The following FAT4 variants were observed in gnomAD, a reference collection of about 807,000 sequenced individuals.
FAT4 encodes FAT atypical cadherin 4, also known as protocadherin Fat 4.
A neutral mutation model predicts 303.9 loss-of-function variants in FAT4; 84 were observed. The observed-to-expected ratio is 0.28, with a 90% CI of 0.23 to 0.33. The LOEUF is 0.33. Among genes scored for constraint, FAT4 ranks in the 10% least tolerant of loss-of-function variants. FAT4 has a pLI of 1.00. For missense variants in FAT4, 6,005 were observed against 6,146.8 expected, an observed-to-expected ratio of 0.98 and a Z score of 0.77; for synonymous variants, 2,307 against 2,298.8, an observed-to-expected ratio of 1.00 and a Z score of -0.10.
At chr4:125,336,031 A>G (rs1010446603) in intron 2 of FAT4, among the ~76,000 whole-genome samples, 1 of 152,110 alleles carries the variant, frequency 6.6e-6, no homozygotes, top group Non-Finnish European at 1.5e-5. Flanking sequence ...ACTCCTGGTC[A>G]TGTAAATAGC....
chr4:125,485,648 T>C (rs541587682), intron 16 of FAT4, among the ~76,000 whole-genome samples: 1 of 152,312 alleles, frequency 6.6e-6, no homozygotes, highest in East Asian at 1.9e-4. Flanking sequence ...GGTTTACAGC[T>C]ATTTTTTATA....
At chr4:125,427,667 G>A (rs1725129300) in intron 7 of FAT4, among the ~76,000 whole-genome samples, 1 of 152,022 alleles carries the variant, frequency 6.6e-6, no homozygotes, top group African/African-American at 2.4e-5. Context: ...CTTACTTACT[G>A]TGAGAAAAAT....
chr4:125,345,374 G>A (rs1174498649), intron 2 of FAT4, among the ~76,000 whole-genome samples: 1 of 151,658 alleles, frequency 6.6e-6, no homozygotes, highest in Non-Finnish European at 1.5e-5. Flanking sequence ...ACACTAGTGA[G>A]CTTCAGGTTT....
At chr4:125,360,898 A>T (rs540393678) in intron 2 of FAT4, among the ~76,000 whole-genome samples, 37 of 144,504 alleles carry the variant, frequency 2.6e-4, no homozygotes, top group Middle Eastern at 3.7e-3. Context: ...TATTTATTAA[A>T]TTTTTTATTT....
chr4:125,341,670 C>G (rs1731801288), intron 2 of FAT4, among the ~76,000 whole-genome samples: 1 of 151,710 alleles, frequency 6.6e-6, no homozygotes, highest in Non-Finnish European at 1.5e-5. Flanking sequence ...ATATTTTTAC[C>G]TGCACCAATC....
intron 2 of FAT4, among the ~76,000 whole-genome samples, chr4:125,377,753 C>T (rs1733388298): frequency 6.6e-6 from 1 of 151,950 alleles, no homozygotes; most frequent in Non-Finnish European, 1.5e-5. Context: ...AAAACCTTGG[C>T]AAACTCTCAC....
Position 125,481,654 on chromosome 4 carries a change from C to T in FAT4, c.12738C>T (p.Asn4246=). Residue 4246 remains asparagine, a synonymous_variant, in exon 16 of 18, where the codon AAC becomes AAT. Transcript: ENST00000394329. ...CCATGTTGGAGCCTTTTGGTGTGAACAGTCTGGAAGTAAAATTTAGGACCA... is the reference window on the plus strand; with the variant it reads ...CCATGTTGGAGCCTTTTGGTGTGAATAGTCTGGAAGTAAAATTTAGGACCA... ...RGAMLEPFGV[N]SLEVKFRTRS... 1 of 1,614,046 alleles carries T rather than the reference C, an allele frequency of 6.2e-7. No homozygotes were observed. Among genetic ancestry groups the T allele is most frequent in the Non-Finnish European group, 8.5e-7 (1 of 1,179,952 alleles).
chr4:125,358,322 T>G (rs750929044), intron 2 of FAT4, among the ~76,000 whole-genome samples: 1 of 152,088 alleles, frequency 6.6e-6, no homozygotes, highest in African/African-American at 2.4e-5. Context: ...TTCAGGATGA[T>G]TCAAGTGCAT....
At chr4:125,381,586 G>A (rs1733545036) in intron 2 of FAT4, among the ~76,000 whole-genome samples, 2 of 152,188 alleles carry the variant, frequency 1.3e-5, no homozygotes, top group Non-Finnish European at 2.9e-5. Context: ...CCTTCAGCAA[G>A]TTGTCCTCTT....
intron 2 of FAT4, among the ~76,000 whole-genome samples, chr4:125,324,223 G>A (rs1731063843): frequency 6.6e-6 from 1 of 152,028 alleles, no homozygotes; most frequent in Admixed American, 6.6e-5. Context: ...TAAAGTTTGT[G>A]GCATTTTTCT....
intron 2 of FAT4, among the ~76,000 whole-genome samples, chr4:125,371,063 G>A (rs1450397719): frequency 4.7e-5 from 7 of 149,716 alleles, no homozygotes; most frequent in African/African-American, 1.5e-4. Flanking sequence ...CAGGCAAATC[G>A]CTTAAATCTG....
At chr4:125,348,775 C>G (rs2125975791) in intron 2 of FAT4, among the ~76,000 whole-genome samples, 1 of 151,546 alleles carries the variant, frequency 6.6e-6, no homozygotes, top group South Asian at 2.1e-4. Context: ...ACATCTTTTT[C>G]CTAAAAGGGT....
At chr4:125,393,654 G>C (rs1734056624) in intron 2 of FAT4, among the ~76,000 whole-genome samples, 1 of 152,208 alleles carries the variant, frequency 6.6e-6, no homozygotes, top group African/African-American at 2.4e-5. Flanking sequence ...ATATTTTTTA[G>C]TTTTAAAATA....
chr4:125,407,179 C>A, intron 4 of FAT4, 38 bp downstream of exon 4: 1 of 1,561,942 alleles, frequency 6.4e-7, no homozygotes, highest in South Asian at 1.2e-5. Context: ...TTGCAAGAAT[C>A]GCTTTTGAAC....
chr4:125,407,692 A>T (rs563989185), intron 4 of FAT4, among the ~76,000 whole-genome samples: 1 of 152,132 alleles, frequency 6.6e-6, no homozygotes, highest in Non-Finnish European at 1.5e-5. Flanking sequence ...ATTAAGTGTT[A>T]TAAGAAACTG....
intron 7 of FAT4, among the ~76,000 whole-genome samples, chr4:125,427,640 C>A (rs1183729351): frequency 1.3e-5 from 2 of 152,020 alleles, no homozygotes; most frequent in Non-Finnish European, 2.9e-5. Flanking sequence ...AATTTCAATA[C>A]ATTTTTTAGT....
intron 10 of FAT4, among the ~76,000 whole-genome samples, chr4:125,460,270 G>A (rs565907662): frequency 2.6e-5 from 4 of 151,910 alleles, no homozygotes; most frequent in Middle Eastern, 3.4e-3. Context: ...CCCAAACAAA[G>A]CCATTTTATC....
At chr4:125,463,521 T>C (rs1373575355) in intron 10 of FAT4, 42 bp from the exon 11 acceptor site, 2 of 1,212,222 alleles carry the variant, frequency 1.6e-6, no homozygotes, top group Non-Finnish European at 1.2e-6. Context: ...TTAATATATT[T>C]ATGTATGAGA....
chr4:125,327,373 G>A (rs917891045), intron 2 of FAT4, among the ~76,000 whole-genome samples: 4 of 152,234 alleles, frequency 2.6e-5, no homozygotes, highest in Non-Finnish European at 4.4e-5. Flanking sequence ...ATAATGATGG[G>A]GTTGGAGTGG....
Sources: allele counts gnomAD v4.1 joint callset (sites outside exome capture counted in the v4.1 genomes callset), GRCh38; gene constraint gnomAD v4.1.1; transcripts MANE v1.5; gene names NCBI Gene and HGNC (gene_info 2026-07-23, HGNC 2026-07-21).